Variants in CPA1 observed in about 807,000 individuals in gnomAD.
CPA1 encodes the protein carboxypeptidase A1 (pancreatic).
CPA1 carries 42 observed loss-of-function variants against 48.7 expected under a neutral mutation model. The ratio of observed to expected loss-of-function variants is 0.86; its 90% CI spans 0.67 to 1.11. The LOEUF is 1.11. Ranked by LOEUF, CPA1 falls within the 50% of genes most tolerant of loss-of-function variation. The pLI is 0.00. For missense variants in CPA1, 477 were observed against 544.7 expected, an observed-to-expected ratio of 0.88 and a Z score of 1.24; for synonymous variants, 203 against 217.9, an observed-to-expected ratio of 0.93 and a Z score of 0.60.
At chr7:130,384,727 G>A (rs982366964) in intron 7 of CPA1, 101 bp downstream of exon 7, 14 of 1,021,356 alleles carry the variant, frequency 1.4e-5, no homozygotes, top group Middle Eastern at 2.6e-4. Flanking sequence ...GCAGTGAGGG[G>A]AGGGTTGGGG....
At chr7:130,380,621 G>A (rs200645380) in intron 1 of CPA1, 36 bp downstream of exon 1, 98 of 1,181,812 alleles carry the variant, frequency 8.3e-5, no homozygotes, top group Non-Finnish European at 1.0e-4. Flanking sequence ...CCCTCTGAGG[G>A]TGATGGGGAG....
At chr7:130,384,737 G>C in intron 7 of CPA1, 111 bp downstream of exon 7, 1 of 920,308 alleles carries the variant, frequency 1.1e-6, no homozygotes, top group Non-Finnish European at 1.7e-6. Flanking sequence ...GAGGGTTGGG[G>C]GTGGCAGCTC....
In CPA1 at chr7:130,387,244, A is replaced by C. The variant is rs1796487112; in HGVS notation, c.1073-580A>C. Reference sequence around the variant, plus strand: ...CTTTTGGACTCCAGGCCTTCTTTGGAAACTGATTCAACTCTGAGTCAAGGT... The same window carrying C: ...CTTTTGGACTCCAGGCCTTCTTTGGCAACTGATTCAACTCTGAGTCAAGGT... On this transcript the variant is annotated intron_variant, in intron 9 of 9. Transcript: ENST00000011292. The surrounding 1 kb of genome is among the most constrained non-coding windows in gnomAD (Gnocchi z 4.6). Among the ~76,000 whole-genome samples, 3 of 152,308 alleles carry C rather than the reference A, an allele frequency of 2.0e-5. No individual in the cohort carries two copies. The South Asian group carries it at 6.2e-4, about 32-fold the overall frequency.
At chr7:130,380,922 G>A (rs1459076005) in intron 1 of CPA1, 176 bp from the exon 2 acceptor site, 6 of 626,296 alleles carry the variant, frequency 9.6e-6, no homozygotes, top group Non-Finnish European at 1.7e-5. Context: ...GAGAGAAGAG[G>A]TGAGGGAGCC....
At chr7:130,386,472 C>T (rs944005053) in intron 9 of CPA1, among the ~76,000 whole-genome samples, 1 of 151,900 alleles carries the variant, frequency 6.6e-6, no homozygotes, top group African/African-American at 2.4e-5. Context: ...GTGGAGGTTG[C>T]AGTGAGCCAA....
At chr7:130,386,741 CA>C (rs1362268663) in intron 9 of CPA1, among the ~76,000 whole-genome samples, 5 of 152,124 alleles carry the variant, frequency 3.3e-5, no homozygotes, top group African/African-American at 1.2e-4. Context: ...ATGAAATAAG[CA>C]AAGATCAGGG....
rs543061149 is a variant in CPA1, at chr7:130,381,484, C to T, written c.148-146C>T. 8.8e-4 allele frequency: 568 copies of T among 641,934 alleles called. 3 individuals are homozygous for T. Among genetic ancestry groups the T allele is most frequent in the Non-Finnish European group, 3.4e-4 (127 of 368,262 alleles). 39.8% of individuals were successfully genotyped at this position (641,934 alleles called of 1,614,324 possible). ...CAGTCCCCAGGGTTTCCCCGTATTT[C>T]TCTGGCCCTATTACCCCTGACCTAT... is the stretch of plus-strand genomic sequence containing the variant. On this transcript the variant is annotated intron_variant, in intron 2 of 9. Transcript: ENST00000011292.
intron 6 of CPA1, chr7:130,384,269 T>C (rs1773187865): frequency 5.5e-6 from 3 of 541,430 alleles, no homozygotes; most frequent in Non-Finnish European, 9.9e-6. Flanking sequence ...TCTGGCCAAA[T>C]GCCATCCTAT....
chr7:130,381,068 G>A (rs897733567), intron 1 of CPA1, 30 bp from the exon 2 acceptor site: 5 of 1,595,054 alleles, frequency 3.1e-6, no homozygotes, highest in Non-Finnish European at 3.4e-6. Flanking sequence ...TGCAGCTTGG[G>A]TGCTCACTCC....
intron 6 of CPA1, chr7:130,384,290 ACT>A: frequency 1.8e-6 from 1 of 561,904 alleles, no homozygotes; most frequent in Non-Finnish European, 3.2e-6. Context: ...GGCCTTCCCC[ACT>A]CTCTTTCACC....
Position 130,381,837 on chromosome 7 carries a change from T to C in CPA1, c.355T>C (p.Tyr119His). ...GGCGCGCTCCACCGACACTTTTAAC[T>C]ACGCCACCTACCACACCCTGGAGGA... is the stretch of plus-strand genomic sequence containing the variant. ...SRARSTDTFN[Y>H]ATYHTLEEIY... Residue 119 changes from tyrosine to histidine, a missense_variant, in exon 3 of 10, where the codon TAC becomes CAC. Coordinates refer to ENST00000011292, the MANE Select transcript of CPA1 (RefSeq NM_001868.4). The C allele has an allele frequency of 6.2e-7, 1 of 1,613,980 alleles. No individual in the cohort carries two copies. The highest frequency in any genetic ancestry group is 8.5e-7 in the Non-Finnish European group (1 of 1,180,008).
intron 6 of CPA1, chr7:130,384,263 G>A (rs1291610500): frequency 5.6e-6 from 3 of 534,508 alleles, no homozygotes; most frequent in Non-Finnish European, 1.0e-5. Context: ...GAACCCTCTG[G>A]CCAAATGCCA....
At chr7:130,380,808 T>G in intron 1 of CPA1, 3 of 540,950 alleles carry the variant, frequency 5.5e-6, no homozygotes, top group Non-Finnish European at 9.8e-6. Flanking sequence ...TGAGGAGGAG[T>G]TTTCAGGAGA....
chr7:130,386,804 G>GT (rs1554412095), intron 9 of CPA1, among the ~76,000 whole-genome samples: 2 of 152,200 alleles, frequency 1.3e-5, no homozygotes, highest in Non-Finnish European at 2.9e-5. Context: ...AAATGATACA[G>GT]TATGTGAGGT....
chr7:130,381,651 GCCCA>G lies in CPA1; in HGVS notation c.173_176del (p.His58LeufsTer31). ...CCAGCTGGACTTCTGGCGGGGGCCT[GCCCA>G]CCCTGGCTCCCCCATCGACGTCCGA... is the stretch of plus-strand genomic sequence containing the variant. On this transcript the variant is annotated frameshift_variant, in exon 3 of 10. Coordinates refer to ENST00000011292, the MANE Select transcript of CPA1 (RefSeq NM_001868.4). LOFTEE classifies it high-confidence loss of function. 6.2e-7 allele frequency: 1 copy of G among 1,613,716 alleles called. No individual in the cohort carries two copies.
At chr7:130,386,262 GTGGCTCA>G (rs1184837285) in intron 9 of CPA1, among the ~76,000 whole-genome samples, 2 of 152,100 alleles carry the variant, frequency 1.3e-5, no homozygotes, top group Non-Finnish European at 2.9e-5. Context: ...GCAGGGCACC[GTGGCTCA>G]TGCTTGTAAT....
intron 2 of CPA1, 55 bp downstream of exon 2, chr7:130,381,234 C>G: frequency 7.8e-7 from 1 of 1,289,420 alleles, no homozygotes; most frequent in South Asian, 1.3e-5. Context: ...CTGGGGCCAC[C>G]CCAGGTCCCC....
At chr7:130,386,735 A>C (rs1796481800) in intron 9 of CPA1, among the ~76,000 whole-genome samples, 1 of 152,240 alleles carries the variant, frequency 6.6e-6, no homozygotes, top group African/African-American at 2.4e-5. Context: ...CCATGAATGA[A>C]ATAAGCAAAG....
intron 1 of CPA1, 159 bp from the exon 2 acceptor site, chr7:130,380,939 T>C (rs921354116): frequency 5.1e-5 from 33 of 649,808 alleles, no homozygotes; most frequent in Non-Finnish European, 1.1e-5. Flanking sequence ...AGCCCAGGCC[T>C]CTCCTTGTTG....
Sources: allele counts gnomAD v4.1 joint callset (sites outside exome capture counted in the v4.1 genomes callset), GRCh38; gene constraint gnomAD v4.1.1; non-coding constraint Gnocchi (gnomAD v3.1); transcripts MANE v1.5; gene names NCBI Gene and HGNC (gene_info 2026-07-23, HGNC 2026-07-21).